The following AFAP1 variants were observed in gnomAD, a reference collection of about 807,000 sequenced individuals.
AFAP1 encodes actin filament-associated protein 1.
In AFAP1, 75 loss-of-function variants were observed where a neutral mutation model predicts 93.9. That is an observed-to-expected ratio of 0.80 (90% CI 0.66 to 0.97). The LOEUF (loss-of-function observed/expected upper bound fraction) is 0.97, where lower values mean the gene tolerates loss of function less well. AFAP1 is among the 50% of genes least tolerant of loss of function. The probability of loss-of-function intolerance (pLI) is 0.00; values close to 1 mark genes in which losing one functional copy is unlikely to be tolerated. For synonymous variants in AFAP1, 517 were observed against 430.7 expected, an observed-to-expected ratio of 1.20 and a Z score of -2.48; for missense variants, 1,201 against 1,050.8, an observed-to-expected ratio of 1.14 and a Z score of -1.98.
intron 1 of AFAP1, among the ~76,000 whole-genome samples, chr4:7,914,116 G>A (rs906191041): frequency 6.6e-6 from 1 of 151,284 alleles, no homozygotes; most frequent in African/African-American, 2.4e-5. Flanking sequence ...GTGCAGTGGC[G>A]CGATCTCAGC....
intron 17 of AFAP1, 37 bp from the exon 18 acceptor site, chr4:7,763,828 A>G (rs944445884): frequency 1.2e-5 from 19 of 1,551,040 alleles, no homozygotes; most frequent in Non-Finnish European, 1.7e-5. Flanking sequence ...GGACAGGGCA[A>G]GAGGATCAGG....
In AFAP1 at chr4:7,786,207, C is replaced by T. The variant is rs1174628866; in HGVS notation, c.1517G>A (p.Cys506Tyr). The T allele has an allele frequency of 1.3e-5, 21 of 1,613,964 alleles. No homozygotes were observed. Among genetic ancestry groups the T allele is most frequent in the Non-Finnish European group, 1.7e-5 (20 of 1,179,974 alleles). ...AAGGGCACTCACCGAGCCGTTGATG[C>T]ACGGGACATCGTCATAATGAAGTGC... ...GTALHYDDVP[C>Y]INGSWEPEDG... Residue 506 changes from cysteine (C) to tyrosine (Y), a missense_variant, in exon 12 of 18, where the codon TGC becomes TAC. By Grantham distance (194) the Cys-to-Tyr change is radical. Transcript: ENST00000420658.
chr4:7,848,131 G>T (rs1160144508), intron 4 of AFAP1, among the ~76,000 whole-genome samples: 1 of 118,138 alleles, frequency 8.5e-6, no homozygotes, highest in Non-Finnish European at 1.7e-5. Flanking sequence ...AAGGAAGGGA[G>T]TGAGTGAGGG....
intron 1 of AFAP1, among the ~76,000 whole-genome samples, chr4:7,931,077 G>A (rs1015901253): frequency 6.6e-6 from 1 of 152,136 alleles, no homozygotes; most frequent in African/African-American, 2.4e-5. Context: ...ATACTGAGAG[G>A]ATAGGGGAGA....
chr4:7,820,845 G>A (rs1720913542), intron 6 of AFAP1, among the ~76,000 whole-genome samples: 1 of 152,152 alleles, frequency 6.6e-6, no homozygotes, highest in East Asian at 1.9e-4. Context: ...CAGGCCAGGC[G>A]CAGTGGCTCA....
chr4:7,877,771 G>T (rs942362261), intron 1 of AFAP1, among the ~76,000 whole-genome samples: 1 of 152,162 alleles, frequency 6.6e-6, no homozygotes, highest in Admixed American at 6.5e-5. Flanking sequence ...TATTTAAAAA[G>T]AGCAATAGTG....
intron 1 of AFAP1, among the ~76,000 whole-genome samples, chr4:7,932,018 G>T (rs911629413): frequency 1.4e-4 from 21 of 151,950 alleles, no homozygotes; most frequent in African/African-American, 5.1e-4. Context: ...CCGCCACCAT[G>T]CCCGGCTAAT....
At chr4:7,806,158 G>C (rs180750133) in intron 9 of AFAP1, among the ~76,000 whole-genome samples, 2 of 152,172 alleles carry the variant, frequency 1.3e-5, no homozygotes, top group African/African-American at 4.8e-5. Context: ...TTATCTACGC[G>C]GCTGTGTGCT....
At chr4:7,845,281 G>A (rs28613311) in intron 4 of AFAP1, among the ~76,000 whole-genome samples, 35,016 of 151,812 alleles carry the variant, frequency 0.23, 4,186 homozygotes, top group African/African-American at 0.25. Flanking sequence ...GGCTAGCCAG[G>A]CATGGTAGGG....
At chr4:7,823,887 C>T (rs570310030) in intron 6 of AFAP1, among the ~76,000 whole-genome samples, 253 of 152,328 alleles carry the variant, frequency 1.7e-3, no homozygotes, top group Middle Eastern at 3.4e-3. Context: ...CATGGCATCC[C>T]AGCTTCGTGG....
intron 14 of AFAP1, chr4:7,778,335 G>A (rs1338113688): frequency 3.8e-6 from 1 of 264,072 alleles, no homozygotes. Context: ...TATTACCTCA[G>A]CTATTCCAAC....
intron 1 of AFAP1, among the ~76,000 whole-genome samples, chr4:7,922,180 T>C (rs1248455411): frequency 6.6e-6 from 1 of 152,316 alleles, no homozygotes; most frequent in East Asian, 1.9e-4. Flanking sequence ...TTCCTTTCAC[T>C]CTCCAGGACC....
rs572474092 is a variant in AFAP1 at position 7,759,662 on chromosome 4, ATAGTT to A, written c.*4098_*4102del. The A allele has an allele frequency of 3.4e-4, 52 of 152,812 alleles. No homozygotes were observed. The highest frequency in any genetic ancestry group is 1.3e-3 in the African/African-American group (52 of 41,596). The allele number at this position is 152,812 out of a possible 1,614,324, so 9.5% of individuals were successfully genotyped here. The stretch of plus-strand genomic sequence containing the variant: ...TTTTAGGAAAAGTAAGAGGAAGGCA[ATAGTT>A]TAGTTTAACATTGAAACATTGCCAC... On this transcript the variant is annotated 3_prime_UTR_variant, in exon 18 of 18. Transcript: ENST00000420658.
chr4:7,871,372 TG>T (rs1456793045), intron 2 of AFAP1, among the ~76,000 whole-genome samples: 1 of 152,172 alleles, frequency 6.6e-6, no homozygotes, highest in African/African-American at 2.4e-5. Flanking sequence ...CTGCCTGTCC[TG>T]GAATTCTGGT....
intron 6 of AFAP1, among the ~76,000 whole-genome samples, chr4:7,827,898 T>A (rs1377282731): frequency 6.6e-6 from 1 of 151,824 alleles, no homozygotes; most frequent in African/African-American, 2.4e-5. Context: ...GCTCCGAGAG[T>A]TGACTTCCAG....
chr4:7,811,261 C>CAACCCTCT (rs113564080), intron 8 of AFAP1, among the ~76,000 whole-genome samples: 1 of 151,980 alleles, frequency 6.6e-6, no homozygotes, highest in African/African-American at 2.4e-5. Context: ...CCGCTGGCTG[C>CAACCCTCT]GGAGATCACA....
intron 14 of AFAP1, 139 bp from the exon 15 acceptor site, chr4:7,775,042 G>T: frequency 2.0e-6 from 2 of 1,023,946 alleles, no homozygotes; most frequent in Non-Finnish European, 2.8e-6. Context: ...TCAGGAAGCT[G>T]AGGTGGGAGA....
At position 7,762,502 on chromosome 4, in the gene AFAP1, A is replaced by T. The variant is rs924633036; in HGVS notation, c.*1263T>A. On this transcript the variant is annotated 3_prime_UTR_variant, in exon 18 of 18. Coordinates refer to ENST00000420658, the MANE Select transcript of AFAP1 (RefSeq NM_001134647.2). ...CCTGACAGCAGCCTCCGGGAGACCA[A>T]GAAGTTAATCTGATTTTTAAACCCA... 1.3e-5 allele frequency: 2 copies of T among 152,260 alleles called. No homozygotes were observed. Among genetic ancestry groups the T allele is most frequent in the African/African-American group, 2.4e-5 (1 of 41,466 alleles). 9.4% of individuals were successfully genotyped at this position (152,260 alleles called of 1,614,324 possible). A position where few individuals can be genotyped will look rare whatever the true frequency, so the allele number is the denominator to read the frequency against.
intron 11 of AFAP1, among the ~76,000 whole-genome samples, chr4:7,786,668 C>G (rs1717294933): frequency 6.6e-6 from 1 of 152,092 alleles, no homozygotes; most frequent in African/African-American, 2.4e-5. Context: ...CTGCAAATAA[C>G]AGGTGTTCAG....
Sources: allele counts gnomAD v4.1 joint callset (sites outside exome capture counted in the v4.1 genomes callset), GRCh38; gene constraint gnomAD v4.1.1; transcripts MANE v1.5; gene names NCBI Gene and HGNC (gene_info 2026-07-23, HGNC 2026-07-21).